TRPM2: variants seen among roughly 807,000 people sequenced by gnomAD.
The protein encoded by TRPM2 is estrogen-responsive element-associated gene 1 protein.
Under a neutral mutation model 174.0 loss-of-function variants are expected in TRPM2, and 161 were observed. The ratio of observed to expected loss-of-function variants is 0.93; its 90% CI spans 0.81 to 1.05. The LOEUF (loss-of-function observed/expected upper bound fraction) is 1.05. TRPM2 is among the 50% of genes least tolerant of loss of function. TRPM2 has a pLI of 0.00. For synonymous variants in TRPM2, 954 were observed against 861.3 expected, an observed-to-expected ratio of 1.11 and a Z score of -1.88; for missense variants, 2,057 against 2,038.0, an observed-to-expected ratio of 1.01 and a Z score of -0.18.
intron 27 of TRPM2, among the ~76,000 whole-genome samples, chr21:44,427,384 G>A (rs375967295): frequency 6.6e-6 from 1 of 152,224 alleles, no homozygotes; most frequent in Admixed American, 6.5e-5. Context: ...TGTACGTGGG[G>A]ATGGCTGTGC....
chr21:44,434,489 C>T (rs557931025), intron 27 of TRPM2, among the ~76,000 whole-genome samples: 6 of 152,022 alleles, frequency 3.9e-5, no homozygotes, highest in African/African-American at 7.3e-5. Flanking sequence ...CCGCCCCCAC[C>T]GCACGATAGC....
intron 18 of TRPM2, 129 bp downstream of exon 18, chr21:44,406,166 C>A (rs1267080958): frequency 8.1e-7 from 1 of 1,230,252 alleles, no homozygotes; most frequent in Non-Finnish European, 1.1e-6. Context: ...CCCTGCTTTG[C>A]CCCTTGGGCT....
At chr21:44,433,488 G>A (rs574307729) in intron 27 of TRPM2, among the ~76,000 whole-genome samples, 5 of 152,246 alleles carry the variant, frequency 3.3e-5, no homozygotes, top group Non-Finnish European at 4.4e-5. Flanking sequence ...GCTCAGTGGC[G>A]TGAGTGCAGG....
At chr21:44,375,702 C>T (rs2048676585) in intron 5 of TRPM2, 131 bp from the exon 6 acceptor site, 2 of 1,086,348 alleles carry the variant, frequency 1.8e-6, no homozygotes, top group Non-Finnish European at 2.6e-6. Flanking sequence ...AAGTCGCTTT[C>T]TCCAATAAGG....
intron 5 of TRPM2, among the ~76,000 whole-genome samples, chr21:44,371,054 A>T (rs2065895202): frequency 6.6e-6 from 1 of 152,198 alleles, no homozygotes; most frequent in Non-Finnish European, 1.5e-5. Flanking sequence ...GCAGAAACTT[A>T]GTCTATCAGA....
intron 2 of TRPM2, among the ~76,000 whole-genome samples, chr21:44,356,744 G>A (rs1163038026): frequency 6.6e-6 from 1 of 152,118 alleles, no homozygotes; most frequent in African/African-American, 2.4e-5. Context: ...TGCTTGGCTG[G>A]TTGGCTATTT....
At chr21:44,401,220 G>T (rs997613268) in intron 15 of TRPM2, among the ~76,000 whole-genome samples, 3 of 152,186 alleles carry the variant, frequency 2.0e-5, no homozygotes, top group African/African-American at 7.2e-5. Context: ...TGGGATCAGG[G>T]CACACCACAG....
chr21:44,366,748 C>T lies in TRPM2; in HGVS notation c.424-6C>T. 1 of 1,613,972 alleles carries T rather than the reference C, an allele frequency of 6.2e-7. No individual in the cohort carries two copies. Among genetic ancestry groups the T allele is most frequent in the Non-Finnish European group, 8.5e-7 (1 of 1,179,986 alleles). ...GGTTCCCTCCGCCGTTTTCCCTTTC[C>T]CGCAGTACGTCCGAGTCTCCCAGGA... On this transcript the variant is annotated splice_region_variant and splice_polypyrimidine_tract_variant and intron_variant, in intron 3 of 31. Transcript: ENST00000397928. The surrounding 1 kb of genome is among the most constrained non-coding windows in gnomAD (Gnocchi z 6.0).
At chr21:44,400,437 C>A in intron 15 of TRPM2, 66 bp downstream of exon 15, 1 of 1,387,818 alleles carries the variant, frequency 7.2e-7, no homozygotes, top group Non-Finnish European at 1.0e-6. Context: ...CTCCTGGGGG[C>A]TCAGGATCTT....
chr21:44,401,637 T>C lies in TRPM2; in HGVS notation c.2322-44T>C, dbSNP rs780433290. The C allele has an allele frequency of 4.4e-6, 7 of 1,598,740 alleles. No individual in the cohort carries two copies. In the East Asian group the frequency reaches 1.3e-4, roughly 31 times the overall value. ...CCAAAGCCTGTGGAGGTCAGGACCC[T>C]GGCCCTGGTGGTCACTGTCTCCTCT... On this transcript the variant is annotated intron_variant, in intron 15 of 31. Coordinates refer to ENST00000397928, the MANE Select transcript of TRPM2 (RefSeq NM_003307.4).
intron 8 of TRPM2, among the ~76,000 whole-genome samples, chr21:44,379,707 C>T (rs1004016060): frequency 6.6e-6 from 1 of 152,194 alleles, no homozygotes; most frequent in African/African-American, 2.4e-5. Context: ...CAGAGGGGGT[C>T]CGTTGTGAAG....
At chr21:44,382,934 G>A (rs2048925836) in intron 9 of TRPM2, 114 bp downstream of exon 9, 3 of 1,148,322 alleles carry the variant, frequency 2.6e-6, no homozygotes, top group Non-Finnish European at 3.7e-6. Context: ...ATTCCTCCTT[G>A]GTCAGAAACC....
chr21:44,441,932 G>A lies in TRPM2; in HGVS notation c.*115G>A, dbSNP rs45475891. The A allele has an allele frequency of 9.3e-5, 129 of 1,381,668 alleles. No individual in the cohort carries two copies. The African/African-American group carries it at 1.8e-3, about 19-fold the overall frequency. 85.6% of individuals were successfully genotyped at this position (1,381,668 alleles called of 1,614,324 possible). Reference sequence around the variant, plus strand: ...TGTTCCTGGGCCCTGCACATGATGGGGTTTGGTGGACCCAGTGCCCCTCAC... The same window carrying A: ...TGTTCCTGGGCCCTGCACATGATGGAGTTTGGTGGACCCAGTGCCCCTCAC... On this transcript the variant is annotated 3_prime_UTR_variant, in exon 32 of 32. Transcript: ENST00000397928.
intron 27 of TRPM2, among the ~76,000 whole-genome samples, chr21:44,429,284 T>TTTTTTTTTTTTTTTTTTTTTTG (rs2050945153): frequency 7.3e-6 from 1 of 136,114 alleles, no homozygotes; most frequent in Non-Finnish European, 1.6e-5. Flanking sequence ...TTTTCTTTTT[T>TTTTTTTTTTTTTTTTTTTTTTG]TTTTTTTTTT....
chr21:44,417,863 G>A (rs1423618810), intron 20 of TRPM2, 64 bp from the exon 21 acceptor site: 4 of 1,537,886 alleles, frequency 2.6e-6, no homozygotes, highest in African/African-American at 2.7e-5. Flanking sequence ...CACGCAGGCG[G>A]TGAGAGGGGT....
chr21:44,359,989 G>A (rs569213503), intron 2 of TRPM2, among the ~76,000 whole-genome samples: 14 of 151,966 alleles, frequency 9.2e-5, no homozygotes, highest in East Asian at 1.9e-4. Context: ...GTTGTGACCC[G>A]CCCACCTCAG....
chr21:44,428,136 C>T (rs150640765), intron 27 of TRPM2, among the ~76,000 whole-genome samples: 15 of 152,108 alleles, frequency 9.9e-5, no homozygotes, highest in Non-Finnish European at 1.5e-4. Context: ...TGTGGACTTG[C>T]GAATCATATT....
At chr21:44,419,371 G>T (rs1275904809) in intron 22 of TRPM2, among the ~76,000 whole-genome samples, 1 of 152,080 alleles carries the variant, frequency 6.6e-6, no homozygotes, top group East Asian at 1.9e-4. Context: ...CTGTAAGATG[G>T]AGACACGATA....
chr21:44,385,691 T>C (rs747141957), intron 9 of TRPM2, among the ~76,000 whole-genome samples: 5 of 152,168 alleles, frequency 3.3e-5, no homozygotes, highest in Non-Finnish European at 5.9e-5. Flanking sequence ...AGGAAAGAGG[T>C]TAAATTGACT....
Sources: allele counts gnomAD v4.1 joint callset (sites outside exome capture counted in the v4.1 genomes callset), GRCh38; gene constraint gnomAD v4.1.1; non-coding constraint Gnocchi (gnomAD v3.1); transcripts MANE v1.5; gene names NCBI Gene and HGNC (gene_info 2026-07-23, HGNC 2026-07-21).